Variants in SYVN1 observed in about 807,000 individuals in gnomAD.
SYVN1 encodes the protein E3 ubiquitin-protein ligase synoviolin.
SYVN1 carries 17 observed loss-of-function variants against 62.6 expected under a neutral mutation model. That is an observed-to-expected ratio of 0.27 (90% confidence interval 0.19 to 0.41). The LOEUF (loss-of-function observed/expected upper bound fraction) is 0.41. Ranked by LOEUF, SYVN1 falls within the 10% of genes least tolerant of loss-of-function variation. The probability of loss-of-function intolerance (pLI) is 1.00; values close to 1 mark genes in which losing one functional copy is unlikely to be tolerated. For missense variants in SYVN1, 634 were observed against 818.0 expected (o/e 0.78, Z 2.74); for synonymous variants, 316 against 304.0 (o/e 1.04, Z -0.41).
intron 1 of SYVN1, 124 bp from the exon 2 acceptor site, chr11:65,133,742 A>G (rs2137255125): frequency 1.3e-6 from 1 of 784,052 alleles, no homozygotes; most frequent in Non-Finnish European, 2.0e-6. Flanking sequence ...CGAAATCATC[A>G]GACAAAGAAT....
chr11:65,129,601 C>T, intron 14 of SYVN1, 128 bp downstream of exon 14: 1 of 831,846 alleles, frequency 1.2e-6, no homozygotes, highest in Admixed American at 2.4e-5. Flanking sequence ...CCTGGAGACC[C>T]TTGGTGGGCC....
In SYVN1 at chr11:65,132,990, C is replaced by G; in HGVS notation, c.310G>C (p.Val104Leu). ...AAGAGAAGAAGAGTGAAGAGTGCAA[C>G]AAAGCGGGGGCTGAAGTCATCCCGA... is the stretch of plus-strand genomic sequence containing the variant. ...VFRDDFSPRF[V>L]ALFTLLLFLK... The change falls in exon 4 of 16, where the codon GTT becomes CTT. Residue 104 changes from valine to leucine, a missense_variant. Val to Leu is a conservative substitution (Grantham distance 32). Coordinates refer to ENST00000377190, the MANE Select transcript of SYVN1 (RefSeq NM_172230.3). 2.5e-6 allele frequency: 4 copies of G among 1,614,240 alleles called. No homozygotes were observed. The highest frequency in any genetic ancestry group is 3.4e-6 in the Non-Finnish European group (4 of 1,180,048).
intron 5 of SYVN1, 187 bp from the exon 6 acceptor site, chr11:65,132,538 G>T (rs1232533076): frequency 2.6e-6 from 2 of 784,276 alleles, no homozygotes; most frequent in Non-Finnish European, 4.2e-6. Flanking sequence ...GGCTGCCCAG[G>T]CTGCAGGTGA....
intron 1 of SYVN1, 96 bp from the exon 2 acceptor site, chr11:65,133,714 G>C (rs999543369): frequency 7.1e-6 from 7 of 987,248 alleles, no homozygotes; most frequent in Non-Finnish European, 1.0e-5. Context: ...AAGTGGGGGG[G>C]AAATCACATT....
intron 6 of SYVN1, among the ~76,000 whole-genome samples, 185 bp downstream of exon 6, chr11:65,132,063 T>C (rs1948187347): frequency 6.6e-6 from 1 of 152,160 alleles, no homozygotes; most frequent in African/African-American, 2.4e-5. Flanking sequence ...CTAGCCTCTT[T>C]GTGCGTCTCC....
At chr11:65,132,410 T>C (rs1948192938) in intron 5 of SYVN1, 59 bp from the exon 6 acceptor site, 1 of 1,224,370 alleles carries the variant, frequency 8.2e-7, no homozygotes, top group Non-Finnish European at 1.2e-6. Context: ...AACAGCTGTT[T>C]AATGCTCTAG....
Position 65,132,719 on chromosome 11 carries a change from G to A in SYVN1, c.427+13C>T, listed in dbSNP as rs774256300. On this transcript the variant is annotated intron_variant, in intron 5 of 15. Transcript: ENST00000377190. ...TTCCAGTCCTCCCTTCCCCTCCCCT[G>A]AATCTCACTCACAGACAATGCGGCA... 6 of 1,614,108 alleles carry A rather than the reference G, an allele frequency of 3.7e-6. No homozygotes were observed. In the South Asian group the frequency reaches 6.6e-5, roughly 18 times the overall value.
chr11:65,130,191 G>C lies in SYVN1; in HGVS notation c.1235-16C>G. On this transcript the variant is annotated splice_polypyrimidine_tract_variant and intron_variant, in intron 12 of 15. Transcript: ENST00000377190. ...GAAAGGGCTGCTGAAGAGCAGGAAC[G>C]AAGTCAGTGAGTGTTCCATCCCTGC... The C allele has an allele frequency of 6.2e-7, 1 of 1,606,896 alleles. No individual in the cohort carries two copies. Among genetic ancestry groups the C allele is most frequent in the South Asian group, 1.1e-5 (1 of 90,094 alleles).
chr11:65,132,538 G>A (rs1232533076), intron 5 of SYVN1, 187 bp from the exon 6 acceptor site: 4 of 784,276 alleles, frequency 5.1e-6, no homozygotes, highest in Non-Finnish European at 8.4e-6. Flanking sequence ...GGCTGCCCAG[G>A]CTGCAGGTGA....
chr11:65,133,437 G>A (rs978200545), intron 2 of SYVN1, 33 bp downstream of exon 2: 4 of 1,609,158 alleles, frequency 2.5e-6, no homozygotes, highest in Non-Finnish European at 3.4e-6. Flanking sequence ...TTCCCTCCCA[G>A]GGAGTTCCTC....
chr11:65,134,410 G>A (rs1245930487), intron 1 of SYVN1, 46 bp downstream of exon 1: 2 of 152,708 alleles, frequency 1.3e-5, no homozygotes, highest in East Asian at 3.9e-4. Context: ...GGAAGGTTCG[G>A]GTCCCGACCC....
intron 11 of SYVN1, 125 bp from the exon 12 acceptor site, chr11:65,130,504 C>G: frequency 7.1e-7 from 1 of 1,404,066 alleles, no homozygotes; most frequent in Non-Finnish European, 9.4e-7. Flanking sequence ...ACTGGTCACA[C>G]TGACTGCAAG....
intron 3 of SYVN1, 29 bp downstream of exon 3, chr11:65,133,131 C>T: frequency 6.2e-7 from 1 of 1,614,170 alleles, no homozygotes; most frequent in African/African-American, 1.3e-5. Flanking sequence ...AGCACCCTGC[C>T]CTCACCTTTG....
chr11:65,133,880 C>T (rs1425056375), intron 1 of SYVN1, among the ~76,000 whole-genome samples: 3 of 152,250 alleles, frequency 2.0e-5, no homozygotes, highest in East Asian at 3.8e-4. Context: ...GCCAAGCCGC[C>T]TCCTCTAGGG....
rs1948208116 is a variant in SYVN1 at position 65,133,530 on chromosome 11, G to A, written c.72C>T (p.Tyr24=). Residue 24 remains tyrosine, a synonymous_variant, in exon 2 of 16, where the codon TAC becomes TAT. Transcript: ENST00000377190. ...LTGAVVAHAY[Y]LKHQFYPTVV... ...CAGTGGGGTAGAACTGGTGTTTGAG[G>A]TAGTAGGCGTGAGCCACCACAGCCC... 1 of 1,613,658 alleles carries A rather than the reference G, an allele frequency of 6.2e-7. No homozygotes were observed. Among genetic ancestry groups the A allele is most frequent in the Non-Finnish European group, 8.5e-7 (1 of 1,180,048 alleles).
chr11:65,134,094 C>A (rs917059155), intron 1 of SYVN1, among the ~76,000 whole-genome samples: 2 of 152,228 alleles, frequency 1.3e-5, no homozygotes, highest in South Asian at 4.1e-4. Context: ...GTGGGCAGTT[C>A]GGACGCCCGC....
Position 65,133,792 on chromosome 11 carries a change from G to A in SYVN1, c.-17-174C>T, listed in dbSNP as rs549433153. 4.6e-5 allele frequency among the ~76,000 whole-genome samples: 7 copies of A among 152,368 alleles called. No individual in the cohort carries two copies. In the East Asian group the frequency reaches 1.2e-3, roughly 25 times the overall value. On this transcript the variant is annotated intron_variant, in intron 1 of 15. Coordinates refer to ENST00000377190, the MANE Select transcript of SYVN1 (RefSeq NM_172230.3). ...CATTTTACAAATTAGACTCGAAGGG[G>A]TTAAGTGATCACACTGACGCAAGGC...
rs1201986006 is a variant in SYVN1, at chr11:65,133,560, C to G, written c.42G>C (p.Leu14=). 6.2e-7 allele frequency: 1 copy of G among 1,612,522 alleles called. No individual in the cohort carries two copies. The highest frequency in any genetic ancestry group is 1.3e-5 in the African/African-American group (1 of 74,948). Reference sequence around the variant, plus strand: ...AGGCGTGAGCCACCACAGCCCCGGTCAGCGCCAGGCTGGCCGCCATCATCA... The same window carrying G: ...AGGCGTGAGCCACCACAGCCCCGGTGAGCGCCAGGCTGGCCGCCATCATCA... The part of the protein sequence containing the change: ...TAVMMAASLA[L]TGAVVAHAYY... The change falls in exon 2 of 16, where the codon CTG becomes CTC. Residue 14 remains leucine, a synonymous_variant. Transcript: ENST00000377190.
chr11:65,132,603 C>G (rs763493149), intron 5 of SYVN1, 129 bp downstream of exon 5: 34 of 1,170,446 alleles, frequency 2.9e-5, no homozygotes, highest in Admixed American at 5.2e-5. Context: ...TGGAACAGCA[C>G]AGAGACTATG....
Sources: gnomAD v4.1 joint callset for allele counts (sites outside exome capture counted in the v4.1 genomes callset) on GRCh38, gnomAD v4.1.1 for gene constraint, MANE v1.5 for transcripts, NCBI Gene and HGNC (gene_info 2026-07-23, HGNC 2026-07-21) for gene names.